The following PAPPA variants were observed in gnomAD, a reference collection of about 807,000 sequenced individuals.
PAPPA encodes pappalysin-1.
A neutral mutation model predicts 164.0 loss-of-function variants in PAPPA; 60 were observed. The ratio of observed to expected loss-of-function variants is 0.37; its 90% CI spans 0.30 to 0.45. PAPPA has a LOEUF of 0.45. PAPPA is among the 20% of genes least tolerant of loss of function. The pLI is 1.00. For synonymous variants in PAPPA, 875 were observed against 814.1 expected, an observed-to-expected ratio of 1.07 and a Z score of -1.27; for missense variants, 1,782 against 2,087.3, an observed-to-expected ratio of 0.85 and a Z score of 2.85.
chr9:116,352,323 G>C (rs891763626), intron 15 of PAPPA, among the ~76,000 whole-genome samples: 1 of 152,178 alleles, frequency 6.6e-6, no homozygotes, highest in African/African-American at 2.4e-5. Flanking sequence ...GTTTCTGGTG[G>C]GAGTTTTTGC....
At chr9:116,192,347 G>A (rs1265000337) in intron 2 of PAPPA, among the ~76,000 whole-genome samples, 2 of 152,140 alleles carry the variant, frequency 1.3e-5, no homozygotes, top group Non-Finnish European at 2.9e-5. Flanking sequence ...AAGAGAGCAT[G>A]GAGTTTAAGG....
intron 17 of PAPPA, among the ~76,000 whole-genome samples, chr9:116,360,854 G>C (rs1846417194): frequency 6.6e-6 from 1 of 152,198 alleles, no homozygotes; most frequent in Admixed American, 6.5e-5. Context: ...GGAGCTCATT[G>C]TCTGGTTGCA....
intron 19 of PAPPA, among the ~76,000 whole-genome samples, 162 bp downstream of exon 19, chr9:116,367,916 G>C (rs1564244126): frequency 6.6e-6 from 1 of 152,198 alleles, no homozygotes; most frequent in African/African-American, 2.4e-5. Flanking sequence ...AGGTGGGGTA[G>C]AGTCGGGAGG....
At chr9:116,211,104 G>A (rs540194971) in intron 3 of PAPPA, among the ~76,000 whole-genome samples, 10 of 152,294 alleles carry the variant, frequency 6.6e-5, no homozygotes, top group Non-Finnish European at 1.3e-4. Context: ...CTTCATTAGC[G>A]TTCATGCTCT....
intron 9 of PAPPA, among the ~76,000 whole-genome samples, chr9:116,277,251 A>G (rs572667259): frequency 6.6e-6 from 1 of 152,344 alleles, no homozygotes. Context: ...CTCCGTGGAA[A>G]AAGTAGTAAC....
intron 10 of PAPPA, among the ~76,000 whole-genome samples, chr9:116,315,833 G>A (rs1845781442): frequency 6.6e-6 from 1 of 152,178 alleles, no homozygotes; most frequent in Admixed American, 6.5e-5. Context: ...ACAAATACCA[G>A]TAATAACCAT....
At position 116,289,256 on chromosome 9, in the gene PAPPA, A is replaced by G. The variant is rs1412855234; in HGVS notation, c.2954-13501A>G. ...TAGCATATATATATAGCATATATGTAGCATATATATATAGCATATATATAG... is the reference window on the plus strand; with the variant it reads ...TAGCATATATATATAGCATATATGTGGCATATATATATAGCATATATATAG... On this transcript the variant is annotated intron_variant, in intron 9 of 21. Transcript: ENST00000328252. Among the ~76,000 whole-genome samples, 11 of 94,586 alleles carry G rather than the reference A, an allele frequency of 1.2e-4. 1 individual carries two copies. The highest frequency in any genetic ancestry group is 3.4e-4 in the East Asian group (1 of 2,912). 62.1% of individuals were successfully genotyped at this position (94,586 alleles called of 152,430 possible).
At chr9:116,229,279 A>G (rs992229301) in intron 6 of PAPPA, among the ~76,000 whole-genome samples, 1 of 152,164 alleles carries the variant, frequency 6.6e-6, no homozygotes, top group African/African-American at 2.4e-5. Context: ...GGAGACGTTT[A>G]TAGGGTATCC....
chr9:116,169,544 T>G (rs549042516), intron 1 of PAPPA, among the ~76,000 whole-genome samples: 4 of 151,596 alleles, frequency 2.6e-5, no homozygotes, highest in Non-Finnish European at 5.9e-5. Flanking sequence ...GGTCTCAAAC[T>G]CCTGACCTCA....
In PAPPA at chr9:116,196,002, G is replaced by C. The variant is rs148107816; in HGVS notation, c.1478+7786G>C. ...TAAGCATTTCCAGCAAAAAAGCAAA[G>C]GCATGTCTGGGATTCCAAGTTGGGG... On this transcript the variant is annotated intron_variant, in intron 2 of 21. Transcript: ENST00000328252. Among the ~76,000 whole-genome samples, 588 of 152,188 alleles carry C rather than the reference G, an allele frequency of 3.9e-3. 3 individuals carry two copies. The highest frequency in any genetic ancestry group is 0.013 in the African/African-American group (529 of 41,504).
chr9:116,284,221 TC>T (rs1845302566), intron 9 of PAPPA, among the ~76,000 whole-genome samples: 1 of 152,166 alleles, frequency 6.6e-6, no homozygotes, highest in Non-Finnish European at 1.5e-5. Context: ...GAGTGACCTG[TC>T]CCCGGAAGAG....
chr9:116,159,050 G>A (rs1420175803), intron 1 of PAPPA, among the ~76,000 whole-genome samples: 1 of 152,216 alleles, frequency 6.6e-6, no homozygotes. Context: ...ATCGAAGAGG[G>A]TGAGAAATGG....
At position 116,347,357 on chromosome 9, in the gene PAPPA, G is replaced by A. The variant is rs1846225195; in HGVS notation, c.3964+148G>A. On this transcript the variant is annotated intron_variant, in intron 15 of 21. Transcript: ENST00000328252. This position sits in a 1 kb window ranked among gnomAD's most constrained non-coding sequence, Gnocchi z 4.5. ...ACTTCTTCCTACTAATTGTATTTAT[G>A]TAAACTGCCCTGCTATGCAGATAAG... 6 of 623,962 alleles carry A rather than the reference G, an allele frequency of 9.6e-6. No homozygotes were observed. The Admixed American group carries it at 1.7e-4, about 18-fold the overall frequency. The allele number at this position is 623,962 out of a possible 1,614,324, so 38.7% of individuals were successfully genotyped here. A position where few individuals can be genotyped will look rare whatever the true frequency, so the allele number is the denominator to read the frequency against.
At chr9:116,346,237 A>C (rs1846207936) in intron 14 of PAPPA, among the ~76,000 whole-genome samples, 1 of 152,120 alleles carries the variant, frequency 6.6e-6, no homozygotes, top group Admixed American at 6.5e-5. Flanking sequence ...ATGATTGTCC[A>C]TCCCTTGACT....
At chr9:116,300,927 G>A (rs1587993916) in intron 9 of PAPPA, among the ~76,000 whole-genome samples, 1 of 151,992 alleles carries the variant, frequency 6.6e-6, no homozygotes, top group East Asian at 1.9e-4. Context: ...GAGTTCTATG[G>A]TTATCCTGAG....
chr9:116,374,603 G>A (rs906895791), intron 19 of PAPPA, among the ~76,000 whole-genome samples: 12 of 152,178 alleles, frequency 7.9e-5, no homozygotes, highest in Admixed American at 5.9e-4. Flanking sequence ...CCAAACTCAC[G>A]TCAGGTAAAC....
chr9:116,321,816 C>G (rs1426245860), intron 10 of PAPPA, among the ~76,000 whole-genome samples: 1 of 152,186 alleles, frequency 6.6e-6, no homozygotes, highest in African/African-American at 2.4e-5. Context: ...AAAGAGAAGT[C>G]AGGCATAGGC....
intron 4 of PAPPA, among the ~76,000 whole-genome samples, chr9:116,218,953 G>T (rs1192948360): frequency 1.3e-5 from 2 of 152,304 alleles, no homozygotes; most frequent in Non-Finnish European, 2.9e-5. Context: ...TGCACCAATG[G>T]CAGCATGGAG....
In PAPPA at chr9:116,398,395, A is replaced by G; in HGVS notation, c.*1779A>G. 1 of 352,452 alleles carries G rather than the reference A, an allele frequency of 2.8e-6. No individual in the cohort carries two copies. Among genetic ancestry groups the G allele is most frequent in the Non-Finnish European group, 5.4e-6 (1 of 185,640 alleles). 21.8% of individuals were successfully genotyped at this position (352,452 alleles called of 1,614,324 possible). On this transcript the variant is annotated 3_prime_UTR_variant, in exon 22 of 22. Coordinates refer to ENST00000328252, the MANE Select transcript of PAPPA (RefSeq NM_002581.5). ...ACAGCCAACAGAAACAAAACCTAGC[A>G]TAGGGATAGAAAATACCATGCACGT...
Sources: allele counts gnomAD v4.1 joint callset (sites outside exome capture counted in the v4.1 genomes callset), GRCh38; gene constraint gnomAD v4.1.1; non-coding constraint Gnocchi (gnomAD v3.1); transcripts MANE v1.5; gene names NCBI Gene and HGNC (gene_info 2026-07-23, HGNC 2026-07-21).